The following RANBP2 variants were observed in gnomAD, a reference collection of about 807,000 sequenced individuals.
The protein encoded by RANBP2 is E3 SUMO-protein ligase RanBP2.
RANBP2 carries 57 observed loss-of-function variants against 303.6 expected under a neutral mutation model. That is an observed-to-expected ratio of 0.19 (90% confidence interval 0.15 to 0.23). The LOEUF (loss-of-function observed/expected upper bound fraction) is 0.23, where lower values mean the gene tolerates loss of function less well. RANBP2 is among the 10% of genes least tolerant of loss of function. RANBP2 has a pLI of 1.00. For missense variants in RANBP2, 3,138 were observed against 3,780.8 expected, an observed-to-expected ratio of 0.83 and a Z score of 4.46; for synonymous variants, 1,167 against 1,301.5, an observed-to-expected ratio of 0.90 and a Z score of 2.23.
intron 7 of RANBP2, among the ~76,000 whole-genome samples, chr2:108,744,047 T>A (rs1696318283): frequency 6.6e-6 from 1 of 152,214 alleles, no homozygotes; most frequent in African/African-American, 2.4e-5. Flanking sequence ...ATACTGTGGT[T>A]CTAGTAAGTG....
rs1439880305 is a variant in RANBP2 at position 108,764,503 on chromosome 2, A to T, written c.3964A>T (p.Ile1322Phe). 1 of 1,614,042 alleles carries T rather than the reference A, an allele frequency of 6.2e-7. No individual in the cohort carries two copies. Among genetic ancestry groups the T allele is most frequent in the East Asian group, 2.2e-5 (1 of 44,870 alleles). Reference protein sequence around the residue: ...VAMASNQAVRIVKEPTSHDNK... With the variant: ...VAMASNQAVRFVKEPTSHDNK... ...CATGGCGTCAAATCAGGCTGTCAGA[A>T]TTGTAAAAGAACCCACAAGTCATGA... Residue 1322 changes from isoleucine (I) to phenylalanine (F), a missense_variant, in exon 20 of 29, where the codon ATT (isoleucine) becomes TTT (phenylalanine). Ile to Phe is a conservative substitution (Grantham distance 21). Coordinates refer to ENST00000283195, the MANE Select transcript of RANBP2 (RefSeq NM_006267.5).
chr2:108,990,742 A>G, the RANBP2 span, among the ~76,000 whole-genome samples: 2 of 152,232 alleles, frequency 1.3e-5, no homozygotes, highest in Non-Finnish European at 1.5e-5. Context: ...TGGATGATTA[A>G]TCTAGATAAT....
At chr2:109,544,551 A>G in the RANBP2 span, 4 of 980,220 alleles carry the variant, frequency 4.1e-6, no homozygotes, top group East Asian at 4.6e-4. Flanking sequence ...AGGGTTCTCA[A>G]GTGGAGCAGG....
At chr2:109,267,380 G>T in the RANBP2 span, among the ~76,000 whole-genome samples, 2 of 152,206 alleles carry the variant, frequency 1.3e-5, no homozygotes, top group Non-Finnish European at 2.9e-5. Flanking sequence ...TGTGCGCTTT[G>T]TACAAGTGCT....
chr2:109,570,156 G>A, the RANBP2 span, among the ~76,000 whole-genome samples: 1,116 of 152,236 alleles, frequency 7.3e-3, 14 homozygotes, highest in African/African-American at 0.024. Context: ...ACAATAGAAA[G>A]CTAAAGGCAG....
At chr2:108,853,964 TAAA>T in the RANBP2 span, among the ~76,000 whole-genome samples, 1 of 112,940 alleles carries the variant, frequency 8.9e-6, no homozygotes, top group African/African-American at 3.5e-5. Context: ...ATATATATAA[TAAA>T]ATATATATAA....
the RANBP2 span, chr2:109,617,722 T>C: frequency 1.2e-5 from 2 of 166,904 alleles, no homozygotes; most frequent in Non-Finnish European, 2.9e-5. Context: ...TGAATTTGTT[T>C]AAAGATGGAT....
At chr2:108,794,724 A>G in the RANBP2 span, 7,290 of 1,597,018 alleles carry the variant, frequency 4.6e-3, 301 homozygotes, top group African/African-American at 0.086. Context: ...AATTGCAGGT[A>G]AGAACTAAAT....
chr2:109,697,280 G>T, the RANBP2 span, among the ~76,000 whole-genome samples: 1 of 152,186 alleles, frequency 6.6e-6, no homozygotes, highest in Non-Finnish European at 1.5e-5. Flanking sequence ...ACCTGAGGTT[G>T]GGAGTTCGAG....
At chr2:108,841,122 C>G in the RANBP2 span, among the ~76,000 whole-genome samples, 2 of 152,124 alleles carry the variant, frequency 1.3e-5, no homozygotes, top group Non-Finnish European at 2.9e-5. Context: ...AGGTGTGAGC[C>G]ACCGTGTCTG....
chr2:109,629,339 ATATATATATATATATATTT>A, the RANBP2 span, among the ~76,000 whole-genome samples: 274 of 9,720 alleles, frequency 0.028, 7 homozygotes, highest in Non-Finnish European at 0.034. Flanking sequence ...ATATATATAT[ATATATATATATATATATTT>A]TTTTTTTTTT....
chr2:109,035,827 ATAAT>A, the RANBP2 span, among the ~76,000 whole-genome samples: 6 of 152,326 alleles, frequency 3.9e-5, no homozygotes, highest in East Asian at 9.6e-4. Flanking sequence ...CACAAAAAAA[ATAAT>A]TAAACTTCTT....
chr2:109,484,335 G>A, the RANBP2 span, among the ~76,000 whole-genome samples: 191 of 152,228 alleles, frequency 1.3e-3, no homozygotes, highest in African/African-American at 4.5e-3. Context: ...CCAAAGTGCT[G>A]GGATTACAGG....
At chr2:108,759,372 C>T (rs561374408) in intron 18 of RANBP2, among the ~76,000 whole-genome samples, 6 of 152,240 alleles carry the variant, frequency 3.9e-5, no homozygotes, top group African/African-American at 1.4e-4. Flanking sequence ...ATTCACACTC[C>T]GGTGGTGTAA....
the RANBP2 span, among the ~76,000 whole-genome samples, chr2:108,809,237 G>C: frequency 6.6e-6 from 1 of 152,150 alleles, no homozygotes; most frequent in Non-Finnish European, 1.5e-5. Flanking sequence ...TATATTTTGA[G>C]TTTAGGTAGT....
the RANBP2 span, among the ~76,000 whole-genome samples, chr2:108,944,293 T>C: frequency 2.0e-5 from 3 of 152,316 alleles, no homozygotes; most frequent in Admixed American, 2.0e-4. Flanking sequence ...TTTGTATTTT[T>C]AGTAGAGACG....
chr2:109,462,716 C>T, the RANBP2 span, among the ~76,000 whole-genome samples: 3 of 152,216 alleles, frequency 2.0e-5, no homozygotes, highest in Non-Finnish European at 2.9e-5. Flanking sequence ...AGGATTCTGC[C>T]TGCTGCTGAG....
At chr2:108,905,297 G>C in the RANBP2 span, among the ~76,000 whole-genome samples, 1 of 152,172 alleles carries the variant, frequency 6.6e-6, no homozygotes, top group Non-Finnish European at 1.5e-5. Flanking sequence ...CTGGTGGATG[G>C]AAGGTGAGTC....
the RANBP2 span, among the ~76,000 whole-genome samples, chr2:109,402,191 G>T: frequency 0.015 from 2,305 of 152,356 alleles, 33 homozygotes; most frequent in South Asian, 0.036. Flanking sequence ...GCTCTGCACT[G>T]CCTTCCTGGT....
Sources: gnomAD v4.1 joint callset for allele counts (sites outside exome capture counted in the v4.1 genomes callset) on GRCh38, gnomAD v4.1.1 for gene constraint, MANE v1.5 for transcripts, NCBI Gene and HGNC (gene_info 2026-07-23, HGNC 2026-07-21) for gene names.